WWC1: variants seen among roughly 807,000 people sequenced by gnomAD.
WWC1 encodes WW and C2 domain containing 1.
In WWC1, 55 loss-of-function variants were observed where a neutral mutation model predicts 138.4. The observed-to-expected ratio is 0.40, with a 90% CI of 0.32 to 0.50. The LOEUF is 0.50. WWC1 is among the 20% of genes least tolerant of loss of function. WWC1 has a pLI of 0.72. For synonymous variants in WWC1, 524 were observed against 564.9 expected (o/e 0.93, Z 1.03); for missense variants, 1,226 against 1,420.4 (o/e 0.86, Z 2.20).
chr5:168,402,843 A>G (rs1779407517), intron 5 of WWC1, among the ~76,000 whole-genome samples: 1 of 152,116 alleles, frequency 6.6e-6, no homozygotes, highest in Non-Finnish European at 1.5e-5. Context: ...TTCAGAGTCT[A>G]ACAGGGATGC....
chr5:168,292,238 A>C lies in WWC1; in HGVS notation c.86A>C (p.Asn29Thr). Residue 29 changes from asparagine (N) to threonine (T), a missense_variant, in exon 1 of 23, where the codon AAC (asparagine) becomes ACC (threonine). Transcript: ENST00000265293. The surrounding 1 kb of genome is among the most constrained non-coding windows in gnomAD (Gnocchi z 4.4). ...AAGGTCTACTACATAGACCACACGA[A>C]CCGCACCACCAGCTGGATCGACCCG... Reference protein sequence around the residue: ...DGKVYYIDHTNRTTSWIDPRD... With the variant: ...DGKVYYIDHTTRTTSWIDPRD... 6.3e-7 allele frequency: 1 copy of C among 1,595,864 alleles called. No homozygotes were observed. The highest frequency in any genetic ancestry group is 8.5e-7 in the Non-Finnish European group (1 of 1,171,952).
chr5:168,350,094 C>A (rs556560065), intron 1 of WWC1, among the ~76,000 whole-genome samples: 2 of 152,304 alleles, frequency 1.3e-5, no homozygotes, highest in African/African-American at 4.8e-5. Context: ...GGTTCACATA[C>A]TGGGAAAGTC....
chr5:168,412,448 T>A (rs1780300251), intron 8 of WWC1, among the ~76,000 whole-genome samples: 2 of 152,152 alleles, frequency 1.3e-5, no homozygotes, highest in Non-Finnish European at 2.9e-5. Context: ...GGCCTGAAAT[T>A]TAAGGAGCAT....
chr5:168,404,887 CTTT>C (rs34102475), intron 5 of WWC1, among the ~76,000 whole-genome samples: 51 of 140,686 alleles, frequency 3.6e-4, no homozygotes, highest in African/African-American at 1.2e-3. Flanking sequence ...TGTCAGGACA[CTTT>C]TTTTTTTTTT....
In WWC1 at chr5:168,455,373, C is replaced by A. The variant is rs749932218; in HGVS notation, c.2676C>A (p.Asn892Lys). 1.3e-6 allele frequency: 2 copies of A among 1,580,220 alleles called. No individual in the cohort carries two copies. Among genetic ancestry groups the A allele is most frequent in the African/African-American group, 2.7e-5 (2 of 72,774 alleles). ...TTCCTCAGGTGGACAAAGAGACCAACACGGAGACCCCGGCCCCATCCCCCA... is the reference window on the plus strand; with the variant it reads ...TTCCTCAGGTGGACAAAGAGACCAAAACGGAGACCCCGGCCCCATCCCCCA... ...YPALKVDKETNTETPAPSPTV... is the reference protein window; with the variant it reads ...YPALKVDKETKTETPAPSPTV... The change falls in exon 19 of 23, where the codon AAC (asparagine) becomes AAA (lysine). Residue 892 changes from asparagine to lysine, a missense_variant. Coordinates refer to ENST00000265293, the MANE Select transcript of WWC1 (RefSeq NM_015238.3).
chr5:168,362,088 G>GATAA (rs969230208), intron 1 of WWC1, among the ~76,000 whole-genome samples: 5 of 152,000 alleles, frequency 3.3e-5, no homozygotes, highest in Middle Eastern at 3.2e-3. Flanking sequence ...CATCTCAAAA[G>GATAA]ATAAATAAAT....
Position 168,292,403 on chromosome 5 carries a change from A to C in WWC1, c.119+132A>C, listed in dbSNP as rs1769132179. On this transcript the variant is annotated intron_variant, in intron 1 of 22. Coordinates refer to ENST00000265293, the MANE Select transcript of WWC1 (RefSeq NM_015238.3). The surrounding 1 kb of genome is among the most constrained non-coding windows in gnomAD (Gnocchi z 4.4). Reference sequence around the variant, plus strand: ...CCTCTTGAGCTCTCTTCAGTTCGCCACCCCCTGCTCCCCCCAACCTTCTGG... The same window carrying C: ...CCTCTTGAGCTCTCTTCAGTTCGCCCCCCCCTGCTCCCCCCAACCTTCTGG... The C allele has an allele frequency of 2.8e-6, 3 of 1,060,586 alleles. No homozygotes were observed. The highest frequency in any genetic ancestry group is 1.6e-5 in the South Asian group (1 of 61,178). The allele number at this position is 1,060,586 out of a possible 1,614,324, so 65.7% of individuals were successfully genotyped here.
intron 18 of WWC1, among the ~76,000 whole-genome samples, chr5:168,454,959 A>G (rs1170546365): frequency 6.6e-6 from 1 of 152,214 alleles, no homozygotes; most frequent in Non-Finnish European, 1.5e-5. Context: ...CAACCGTAGT[A>G]CTTTGCCAGG....
intron 7 of WWC1, among the ~76,000 whole-genome samples, chr5:168,409,720 T>A (rs1318470338): frequency 6.6e-6 from 1 of 152,218 alleles, no homozygotes; most frequent in African/African-American, 2.4e-5. Context: ...TGTCTGAGCG[T>A]ACGGTTCTTC....
chr5:168,435,299 C>G (rs1782266584), intron 15 of WWC1, among the ~76,000 whole-genome samples: 1 of 152,188 alleles, frequency 6.6e-6, no homozygotes, highest in Non-Finnish European at 1.5e-5. Context: ...CTCGCAAGGA[C>G]ATTACTCCAG....
intron 1 of WWC1, among the ~76,000 whole-genome samples, chr5:168,370,792 G>A (rs1057433167): frequency 6.6e-6 from 1 of 152,252 alleles, no homozygotes; most frequent in African/African-American, 2.4e-5. Flanking sequence ...TGGGGACATA[G>A]AGAGCGGTTA....
chr5:168,351,792 G>A (rs71603857), intron 1 of WWC1, among the ~76,000 whole-genome samples: 9 of 152,172 alleles, frequency 5.9e-5, no homozygotes, highest in Non-Finnish European at 1.0e-4. Context: ...TCTGCACCAC[G>A]TGCCGCCTGC....
chr5:168,308,995 T>C (rs6890157), intron 1 of WWC1, among the ~76,000 whole-genome samples: 86,620 of 151,818 alleles, frequency 0.57, 25,315 homozygotes, highest in African/African-American at 0.69. Context: ...CTGCCTCCAC[T>C]GCCCCCATTC....
chr5:168,307,439 C>G (rs1770674195), intron 1 of WWC1, among the ~76,000 whole-genome samples: 1 of 152,034 alleles, frequency 6.6e-6, no homozygotes, highest in African/African-American at 2.4e-5. Context: ...TTGGTCTTTG[C>G]TTGTTCTACC....
At chr5:168,381,916 T>A (rs2152816241) in intron 2 of WWC1, among the ~76,000 whole-genome samples, 1 of 152,032 alleles carries the variant, frequency 6.6e-6, no homozygotes. Flanking sequence ...GAACAGAAAT[T>A]ACCTGCCTTT....
intron 17 of WWC1, among the ~76,000 whole-genome samples, chr5:168,444,875 AAGT>A (rs1467979214): frequency 2.0e-5 from 3 of 151,820 alleles, no homozygotes; most frequent in African/African-American, 7.3e-5. Flanking sequence ...AAAAAAAAAA[AAGT>A]AAAGAAACTT....
Position 168,441,678 on chromosome 5 carries a change from A to G in WWC1, c.2281-4A>G. 2.5e-6 allele frequency: 4 copies of G among 1,613,426 alleles called. No homozygotes were observed. The highest frequency in any genetic ancestry group is 2.5e-6 in the Non-Finnish European group (3 of 1,179,652). ...TATGTTCTCCTTGTTTCCATCCCCA[A>G]CAGGGAGGCGCCCAGATCAGCCTGG... On this transcript the variant is annotated splice_region_variant and splice_polypyrimidine_tract_variant and intron_variant, in intron 15 of 22. Coordinates refer to ENST00000265293, the MANE Select transcript of WWC1 (RefSeq NM_015238.3).
intron 8 of WWC1, among the ~76,000 whole-genome samples, chr5:168,412,626 C>T (rs1780316995): frequency 1.3e-5 from 2 of 152,134 alleles, no homozygotes; most frequent in Admixed American, 6.6e-5. Flanking sequence ...TTACTGTATA[C>T]ATGAATGTGA....
At chr5:168,336,589 A>C (rs1322915782) in intron 1 of WWC1, among the ~76,000 whole-genome samples, 8 of 151,268 alleles carry the variant, frequency 5.3e-5, no homozygotes, top group South Asian at 4.2e-4. Context: ...AAAAAAAAAA[A>C]AAAAAACAAT....
Sources: allele counts gnomAD v4.1 joint callset (sites outside exome capture counted in the v4.1 genomes callset), GRCh38; gene constraint gnomAD v4.1.1; non-coding constraint Gnocchi (gnomAD v3.1); transcripts MANE v1.5; gene names NCBI Gene and HGNC (gene_info 2026-07-23, HGNC 2026-07-21).